The following RIMS1 variants were observed in gnomAD, a reference collection of about 807,000 sequenced individuals.
RIMS1 encodes regulating synaptic membrane exocytosis 1.
Under a neutral mutation model 214.1 loss-of-function variants are expected in RIMS1, and 83 were observed. The observed-to-expected ratio is 0.39, with a 90% CI of 0.32 to 0.47. RIMS1 has a LOEUF of 0.47. Among genes scored for constraint, RIMS1 ranks in the 20% least tolerant of loss-of-function variants. The pLI, the probability that RIMS1 is intolerant of heterozygous loss-of-function variation, is 0.99. For synonymous variants in RIMS1, 793 were observed against 786.8 expected (o/e 1.01, Z -0.13); for missense variants, 2,050 against 2,161.8 (o/e 0.95, Z 1.03).
At chr6:72,038,194 C>T (rs1459915921) in intron 2 of RIMS1, among the ~76,000 whole-genome samples, 2 of 132,192 alleles carry the variant, frequency 1.5e-5, no homozygotes, top group Non-Finnish European at 3.1e-5. Context: ...TTTCCAAGGA[C>T]ACTATGGAAG....
intron 2 of RIMS1, among the ~76,000 whole-genome samples, chr6:72,027,095 G>A (rs952130722): frequency 1.3e-5 from 2 of 152,046 alleles, no homozygotes; most frequent in Non-Finnish European, 2.9e-5. Flanking sequence ...ATTAATATTG[G>A]CAAAATTATT....
At chr6:72,198,973 A>G (rs1045070798) in intron 6 of RIMS1, among the ~76,000 whole-genome samples, 1 of 152,044 alleles carries the variant, frequency 6.6e-6, no homozygotes, top group Non-Finnish European at 1.5e-5. Context: ...TAGTCAAGAC[A>G]AATAATAAAC....
chr6:71,983,673 G>A (rs1467379686), intron 2 of RIMS1, among the ~76,000 whole-genome samples: 1 of 152,136 alleles, frequency 6.6e-6, no homozygotes, highest in Non-Finnish European at 1.5e-5. Flanking sequence ...TTTCTTTCCA[G>A]ACTGTCCTGA....
chr6:71,969,885 A>G (rs1489653190), intron 2 of RIMS1, among the ~76,000 whole-genome samples: 2 of 152,138 alleles, frequency 1.3e-5, no homozygotes, highest in Non-Finnish European at 2.9e-5. Context: ...TTAAGTGTAG[A>G]TCCTAATGAT....
At chr6:72,277,429 A>C (rs2087080005) in intron 23 of RIMS1, among the ~76,000 whole-genome samples, 1 of 152,122 alleles carries the variant, frequency 6.6e-6, no homozygotes, top group Non-Finnish European at 1.5e-5. Context: ...AAAATACAAA[A>C]AAATTAGCTG....
intron 6 of RIMS1, among the ~76,000 whole-genome samples, chr6:72,184,992 C>T (rs778993861): frequency 6.6e-6 from 1 of 152,172 alleles, no homozygotes; most frequent in African/African-American, 2.4e-5. Flanking sequence ...TTTTCCTGGA[C>T]TAGATACATG....
intron 4 of RIMS1, among the ~76,000 whole-genome samples, chr6:72,125,251 TCTC>T (rs2039269420): frequency 6.6e-6 from 1 of 152,236 alleles, no homozygotes; most frequent in South Asian, 2.1e-4. Flanking sequence ...CAGCTACAGG[TCTC>T]CTGGAGTTTG....
In RIMS1 at chr6:72,112,500, C is replaced by T. The variant is rs759499782; in HGVS notation, c.471+12514C>T. ...CTGCATCATCTGTACTCCACACATA[C>T]ACACATCCTCTCCTGTCACTGTCCT... On this transcript the variant is annotated intron_variant, in intron 4 of 33. Coordinates refer to ENST00000521978, the MANE Select transcript of RIMS1 (RefSeq NM_014989.7). Among the ~76,000 whole-genome samples the T allele has an allele frequency of 2.0e-5, 3 of 152,170 alleles. No homozygotes were observed. The South Asian group carries it at 6.2e-4, about 32-fold the overall frequency.
chr6:72,075,868 T>C (rs1831717115), intron 2 of RIMS1, among the ~76,000 whole-genome samples: 1 of 152,210 alleles, frequency 6.6e-6, no homozygotes, highest in Non-Finnish European at 1.5e-5. Flanking sequence ...ATAGTAAGAA[T>C]TGTTTTTATA....
chr6:71,979,891 G>A (rs984074236), intron 2 of RIMS1, among the ~76,000 whole-genome samples: 1 of 152,080 alleles, frequency 6.6e-6, no homozygotes, highest in Non-Finnish European at 1.5e-5. Context: ...TAAAAATGAA[G>A]ATTAGATGGG....
At chr6:71,946,838 A>G (rs1400155388) in intron 1 of RIMS1, among the ~76,000 whole-genome samples, 1 of 152,160 alleles carries the variant, frequency 6.6e-6, no homozygotes, top group Non-Finnish European at 1.5e-5. Flanking sequence ...AACAATAAAC[A>G]GAATGAGGAG....
chr6:72,364,426 A>C (rs1262703727), intron 29 of RIMS1, among the ~76,000 whole-genome samples: 1 of 152,220 alleles, frequency 6.6e-6, no homozygotes, highest in African/African-American at 2.4e-5. Flanking sequence ...CCCGCATGCT[A>C]CCTGTGAAAT....
At chr6:72,107,991 T>C (rs1294328833) in intron 4 of RIMS1, among the ~76,000 whole-genome samples, 1 of 152,040 alleles carries the variant, frequency 6.6e-6, no homozygotes, top group Non-Finnish European at 1.5e-5. Flanking sequence ...TTCTGTTTTT[T>C]TGTTTGTTTG....
intron 10 of RIMS1, among the ~76,000 whole-genome samples, chr6:72,243,608 A>G (rs2067989396): frequency 6.6e-6 from 1 of 151,834 alleles, no homozygotes; most frequent in African/African-American, 2.4e-5. Flanking sequence ...AAAGTTTAGA[A>G]TCAAGCATTG....
chr6:72,236,072 A>G (rs1419513237), intron 8 of RIMS1, among the ~76,000 whole-genome samples: 1 of 152,124 alleles, frequency 6.6e-6, no homozygotes, highest in Non-Finnish European at 1.5e-5. Context: ...AATGTACTTA[A>G]TAGTGCTGTC....
chr6:72,168,535 A>G (rs1055101560), intron 4 of RIMS1, among the ~76,000 whole-genome samples: 4 of 152,060 alleles, frequency 2.6e-5, no homozygotes, highest in African/African-American at 9.7e-5. Flanking sequence ...GGGAACATGC[A>G]CAGTGTGTTT....
intron 2 of RIMS1, among the ~76,000 whole-genome samples, chr6:71,992,206 A>G (rs1045215183): frequency 6.6e-6 from 1 of 152,164 alleles, no homozygotes; most frequent in Admixed American, 6.5e-5. Flanking sequence ...GTCACATTAG[A>G]ATATCCTGCC....
chr6:72,253,099 G>A (rs75528198), intron 16 of RIMS1, among the ~76,000 whole-genome samples: 4,339 of 152,182 alleles, frequency 0.029, 234 homozygotes, highest in African/African-American at 0.1. Flanking sequence ...TGCTCTGAGC[G>A]TAAGTGAAAA....
intron 2 of RIMS1, among the ~76,000 whole-genome samples, chr6:72,045,971 A>G (rs546429151): frequency 2.0e-5 from 3 of 151,774 alleles, no homozygotes; most frequent in African/African-American, 7.3e-5. Flanking sequence ...TAATGTTTTG[A>G]TAACAGAAAT....
Sources: gnomAD v4.1 joint callset for allele counts (sites outside exome capture counted in the v4.1 genomes callset) on GRCh38, gnomAD v4.1.1 for gene constraint, MANE v1.5 for transcripts, NCBI Gene and HGNC (gene_info 2026-07-23, HGNC 2026-07-21) for gene names.